The following TMEM144 variants were observed in gnomAD, a reference collection of about 807,000 sequenced individuals.
TMEM144 encodes the protein transmembrane protein 144.
In TMEM144, 39 loss-of-function variants were observed where a neutral mutation model predicts 43.6. That is an observed-to-expected ratio of 0.90 (90% CI 0.69 to 1.17). The LOEUF is 1.17. Ranked by LOEUF, TMEM144 falls within the 50% of genes most tolerant of loss-of-function variation. TMEM144 has a pLI of 0.00. For synonymous variants in TMEM144, 154 were observed against 133.6 expected (o/e 1.15, Z -1.06); for missense variants, 417 against 411.9 (o/e 1.01, Z -0.11).
intron 8 of TMEM144, among the ~76,000 whole-genome samples, chr4:158,235,927 A>G (rs965939448): frequency 6.6e-6 from 1 of 152,198 alleles, no homozygotes; most frequent in Non-Finnish European, 1.5e-5. Context: ...ACAGTTATAT[A>G]ATTCCAGACA....
intron 3 of TMEM144, 88 bp downstream of exon 3, chr4:158,212,864 T>TA: frequency 2.9e-6 from 3 of 1,035,466 alleles, no homozygotes; most frequent in Non-Finnish European, 4.4e-6. Context: ...GCTACAAAAA[T>TA]AAATCATGTT....
intron 12 of TMEM144, among the ~76,000 whole-genome samples, chr4:158,245,811 A>G (rs1362542434): frequency 6.6e-6 from 1 of 152,072 alleles, no homozygotes; most frequent in Non-Finnish European, 1.5e-5. Context: ...ACTTGTAGTC[A>G]CAGCCACTCA....
chr4:158,240,309 T>C lies in TMEM144; in HGVS notation c.693T>C (p.Tyr231=), dbSNP rs1240825756. ...YAGASQYDLD[Y]VFAHFSGIFL... ...AATGTCTATTTTCAGATTTAGACTA[T>C]GTGTTTGCGCACTTCAGTGGCATCT... Residue 231 remains tyrosine (Y), a synonymous_variant, in exon 10 of 13, where the codon TAT becomes TAC. Coordinates refer to ENST00000296529, the MANE Select transcript of TMEM144 (RefSeq NM_018342.5). 3 of 1,611,506 alleles carry C rather than the reference T, an allele frequency of 1.9e-6. No individual in the cohort carries two copies. Among genetic ancestry groups the C allele is most frequent in the Admixed American group, 3.4e-5 (2 of 59,294 alleles).
rs150850491 is a variant in TMEM144, at chr4:158,224,916, C to A, written c.413+5526C>A. Among the ~76,000 whole-genome samples, 735 of 152,200 alleles carry A rather than the reference C, an allele frequency of 4.8e-3. 2 individuals are homozygous for A. Among genetic ancestry groups the A allele is most frequent in the African/African-American group, 0.017 (693 of 41,520 alleles). ...CTATTAGAATAAACTGAGTCTAATA[C>A]CTCTACACAGTTATGTTCAACTGGG... On this transcript the variant is annotated intron_variant, in intron 6 of 12. Transcript: ENST00000296529.
chr4:158,241,486 T>G (rs769538498), intron 10 of TMEM144, 23 bp from the exon 11 acceptor site: 1 of 1,590,910 alleles, frequency 6.3e-7, no homozygotes, highest in Non-Finnish European at 8.6e-7. Context: ...GGTCTGCAAA[T>G]GTGTGTTGTC....
At position 158,229,925 on chromosome 4, in the gene TMEM144, G is replaced by C. The variant is rs1248326129; in HGVS notation, c.414-2976G>C. ...CTCACCCAGGGAGCTTAGCGTGTTA[G>C]ATGGTAATGAGTCCCAGTGCTGGCT... On this transcript the variant is annotated intron_variant, in intron 6 of 12. Transcript: ENST00000296529. Among the ~76,000 whole-genome samples the C allele has an allele frequency of 2.0e-5, 3 of 149,476 alleles. No individual in the cohort carries two copies. In the Admixed American group the frequency reaches 2.0e-4, roughly 10 times the overall value.
rs1733954958 is a variant in TMEM144 at position 158,211,441 on chromosome 4, G to A, written c.-182-12G>A. On this transcript the variant is annotated splice_polypyrimidine_tract_variant and intron_variant, in intron 1 of 12. Transcript: ENST00000296529. ...GATGTGTTAGCTATCACCCAGTCAT[G>A]TGTCTTTTTAGTCATAGGTTAGCTT... 6.6e-6 allele frequency: 1 copy of A among 152,286 alleles called. No individual in the cohort carries two copies. The highest frequency in any genetic ancestry group is 6.5e-5 in the Admixed American group (1 of 15,296). 9.4% of individuals were successfully genotyped at this position (152,286 alleles called of 1,614,324 possible). A position where few individuals can be genotyped will look rare whatever the true frequency, so the allele number is the denominator to read the frequency against.
Position 158,253,452 on chromosome 4 carries a change from A to G in TMEM144, c.963A>G (p.Gln321=). ...TCTTTTTTCTTATTCAGGGTCTACAAAACTACCTATTAATGATACTTGCAT... is the reference window on the plus strand; with the variant it reads ...TCTTTTTTCTTATTCAGGGTCTACAGAACTACCTATTAATGATACTTGCAT... ...IFMFKEIKGL[Q]NYLLMILAFC... Residue 321 remains glutamine, a synonymous_variant, in exon 13 of 13, where the codon CAA becomes CAG. Transcript: ENST00000296529. 6.2e-7 allele frequency: 1 copy of G among 1,612,962 alleles called. No homozygotes were observed. Among genetic ancestry groups the G allele is most frequent in the South Asian group, 1.1e-5 (1 of 90,988 alleles).
chr4:158,217,309 T>C lies in TMEM144; in HGVS notation c.233-12T>C, dbSNP rs1385516266. On this transcript the variant is annotated splice_polypyrimidine_tract_variant and intron_variant, in intron 4 of 12. Transcript: ENST00000296529. ...GGAAATAACATGTTTCTTCTGTATA[T>C]TACATCTACAGGGAACATTGCTGTT... The C allele has an allele frequency of 1.9e-6, 3 of 1,568,932 alleles. No individual in the cohort carries two copies. The highest frequency in any genetic ancestry group is 2.6e-6 in the Non-Finnish European group (3 of 1,141,690).
chr4:158,242,501 G>C lies in TMEM144; in HGVS notation c.900+895G>C, dbSNP rs117002617. ...CCTATCACCTAGTTTCAACAATTAT[G>C]AATATGGTCAATCAATTTTATCAGA... On this transcript the variant is annotated intron_variant, in intron 11 of 12. Coordinates refer to ENST00000296529, the MANE Select transcript of TMEM144 (RefSeq NM_018342.5). Among the ~76,000 whole-genome samples, 74 of 152,204 alleles carry C rather than the reference G, an allele frequency of 4.9e-4. 1 individual carries two copies. The East Asian group carries it at 0.013, about 26-fold the overall frequency.
intron 11 of TMEM144, among the ~76,000 whole-genome samples, chr4:158,243,090 G>C (rs1459961551): frequency 6.6e-6 from 1 of 152,194 alleles, no homozygotes; most frequent in Non-Finnish European, 1.5e-5. Flanking sequence ...CCTGTACCAT[G>C]TTCTCTGAAG....
At chr4:158,246,035 G>A (rs1735878521) in intron 12 of TMEM144, among the ~76,000 whole-genome samples, 1 of 152,138 alleles carries the variant, frequency 6.6e-6, no homozygotes, top group African/African-American at 2.4e-5. Flanking sequence ...GTCCAACTAT[G>A]CAGGAGGATC....
intron 5 of TMEM144, among the ~76,000 whole-genome samples, chr4:158,218,499 C>CT (rs1313889771): frequency 2.6e-5 from 4 of 152,122 alleles, no homozygotes; most frequent in African/African-American, 9.7e-5. Context: ...CCACCTCCTG[C>CT]TATTTTCTTT....
At chr4:158,221,680 T>C (rs1296531772) in intron 6 of TMEM144, among the ~76,000 whole-genome samples, 4 of 152,176 alleles carry the variant, frequency 2.6e-5, no homozygotes, top group Non-Finnish European at 5.9e-5. Context: ...TCCTGGAGGG[T>C]TATGTTTACT....
At chr4:158,249,795 C>A (rs1347809918) in intron 12 of TMEM144, among the ~76,000 whole-genome samples, 1 of 151,256 alleles carries the variant, frequency 6.6e-6, no homozygotes, top group Non-Finnish European at 1.5e-5. Flanking sequence ...TATGGAATAC[C>A]TATTCTGCAT....
chr4:158,233,011 T>C, intron 7 of TMEM144, 29 bp downstream of exon 7: 1 of 1,496,874 alleles, frequency 6.7e-7, no homozygotes. Context: ...ACAACTTGAT[T>C]TGAAACATAA....
chr4:158,216,333 A>G (rs1293812070), intron 4 of TMEM144, among the ~76,000 whole-genome samples: 1 of 152,212 alleles, frequency 6.6e-6, no homozygotes, highest in Non-Finnish European at 1.5e-5. Flanking sequence ...ACATAGCAGA[A>G]TGGGAGGAGC....
chr4:158,212,540 A>G, intron 2 of TMEM144, 68 bp from the exon 3 acceptor site: 1 of 643,694 alleles, frequency 1.6e-6, no homozygotes, highest in Non-Finnish European at 2.6e-6. Context: ...TTCAATAAAT[A>G]TAATATGTTA....
chr4:158,235,900 C>T (rs1735320361), intron 8 of TMEM144, among the ~76,000 whole-genome samples: 1 of 152,184 alleles, frequency 6.6e-6, no homozygotes, highest in South Asian at 2.1e-4. Context: ...TGGGAATCCC[C>T]ACACTCCTGT....
Sources: allele counts gnomAD v4.1 joint callset (sites outside exome capture counted in the v4.1 genomes callset), GRCh38; gene constraint gnomAD v4.1.1; transcripts MANE v1.5; gene names NCBI Gene and HGNC (gene_info 2026-07-23, HGNC 2026-07-21).